The following TACC1 variants were observed in gnomAD, a reference collection of about 807,000 sequenced individuals.
TACC1 encodes transforming acidic coiled-coil containing protein 1.
Under a neutral mutation model 84.4 loss-of-function variants are expected in TACC1, and 48 were observed. The ratio of observed to expected loss-of-function variants is 0.57; its 90% CI spans 0.45 to 0.72. The LOEUF (loss-of-function observed/expected upper bound fraction) is 0.72, where lower values mean the gene tolerates loss of function less well. TACC1 is among the 30% of genes least tolerant of loss of function. TACC1 has a pLI of 0.00. For synonymous variants in TACC1, 372 were observed against 376.3 expected (o/e 0.99, Z 0.13); for missense variants, 920 against 973.0 (o/e 0.95, Z 0.72).
chr8:38,803,158 T>C (rs1821820114), intron 2 of TACC1, among the ~76,000 whole-genome samples: 1 of 152,264 alleles, frequency 6.6e-6, no homozygotes, highest in South Asian at 2.1e-4. Context: ...TGGTTTCATT[T>C]ATAGTTTTTT....
intron 6 of TACC1, among the ~76,000 whole-genome samples, chr8:38,831,553 T>C (rs563688281): frequency 6.6e-6 from 1 of 152,346 alleles, no homozygotes; most frequent in South Asian, 2.1e-4. Flanking sequence ...TGGAGTACAG[T>C]GGTGCAATCT....
At position 38,842,350 on chromosome 8, in the gene TACC1, A is replaced by G. The variant is rs762636747; in HGVS notation, c.2024A>G (p.Glu675Gly). ...TTCCAGCAACTGACCATGGAGAAGG[A>G]ACAGGCCCTGGCTGACCTTAACTCT... Reference protein sequence around the residue: ...KSFQQLTMEKEQALADLNSVE... With the variant: ...KSFQQLTMEKGQALADLNSVE... The change falls in exon 10 of 13, where the codon GAA (glutamate) becomes GGA (glycine). Residue 675 changes from glutamate (E) to glycine (G), a missense_variant. Physicochemically the swap from Glu to Gly is moderately conservative, Grantham distance 98 (BLOSUM62 -2). Coordinates refer to ENST00000317827, the MANE Select transcript of TACC1 (RefSeq NM_006283.3). 5.6e-6 allele frequency: 9 copies of G among 1,614,232 alleles called. No individual in the cohort carries two copies. In the South Asian group the frequency reaches 8.8e-5, roughly 16 times the overall value.
intron 1 of TACC1, chr8:38,742,245 A>C: frequency 2.2e-6 from 1 of 464,738 alleles, no homozygotes; most frequent in Admixed American, 3.9e-5. Context: ...GTAGAACTGC[A>C]GAGGAATTTC....
chr8:38,761,760 T>A (rs1046561686), intron 3 of TACC1, among the ~76,000 whole-genome samples: 4 of 152,244 alleles, frequency 2.6e-5, no homozygotes, highest in African/African-American at 9.6e-5. Flanking sequence ...AGAAGTTTTT[T>A]AAATGTCCAT....
intron 12 of TACC1, among the ~76,000 whole-genome samples, chr8:38,847,488 G>T (rs755566745): frequency 6.6e-6 from 1 of 152,126 alleles, no homozygotes; most frequent in Non-Finnish European, 1.5e-5. Context: ...TTTCTTTACT[G>T]CATTTCCAAT....
chr8:38,743,404 G>C lies in TACC1; in HGVS notation c.-574+953G>C, dbSNP rs554680194. The stretch of plus-strand genomic sequence containing the variant: ...ACAAGAGGAAATGTATTTGGGACAG[G>C]GGATGGATTTGCTTGATGATAATGG... On this transcript the variant is annotated intron_variant, in intron 2 of 14. Coordinates refer to the TACC1 transcript ENST00000518415. Among the ~76,000 whole-genome samples the C allele has an allele frequency of 2.0e-5, 3 of 152,288 alleles. No homozygotes were observed. The South Asian group carries it at 6.2e-4, about 32-fold the overall frequency.
chr8:38,836,825 C>T (rs1414857123), intron 7 of TACC1, among the ~76,000 whole-genome samples: 3 of 152,122 alleles, frequency 2.0e-5, no homozygotes, highest in East Asian at 3.8e-4. Context: ...AGTTGCCCAC[C>T]CTCTCCTGTC....
At chr8:38,825,394 G>A in intron 4 of TACC1, 26 bp downstream of exon 4, 1 of 1,613,746 alleles carries the variant, frequency 6.2e-7, no homozygotes, top group Non-Finnish European at 8.5e-7. Context: ...TCTCCAGAAT[G>A]TCTCTGAGAC....
chr8:38,835,056 A>AGGT (rs1261726111), intron 6 of TACC1, among the ~76,000 whole-genome samples: 2 of 152,156 alleles, frequency 1.3e-5, no homozygotes, highest in African/African-American at 4.8e-5. Context: ...GATTGAGACC[A>AGGT]TCCTGGCTAA....
intron 5 of TACC1, among the ~76,000 whole-genome samples, chr8:38,830,844 T>C (rs1470715298): frequency 1.3e-5 from 2 of 152,204 alleles, no homozygotes; most frequent in Non-Finnish European, 2.9e-5. Flanking sequence ...GACACATTTT[T>C]CCAAACTTTT....
intron 2 of TACC1, among the ~76,000 whole-genome samples, chr8:38,815,844 T>C (rs2152162751): frequency 6.6e-6 from 1 of 151,762 alleles, no homozygotes; most frequent in Non-Finnish European, 1.5e-5. Flanking sequence ...AATTAAAAAC[T>C]AAGCCGGATG....
chr8:38,783,098 CT>C (rs1816416120), upstream of TACC1, among the ~76,000 whole-genome samples: 27 of 116,412 alleles, frequency 2.3e-4, no homozygotes, highest in Admixed American at 4.1e-4. Context: ...ATCTATCTAT[CT>C]ATCTATCTAT....
chr8:38,838,675 C>T (rs1801762650), intron 8 of TACC1, 129 bp downstream of exon 8: 2 of 701,430 alleles, frequency 2.9e-6, no homozygotes, highest in Non-Finnish European at 4.9e-6. Context: ...TTGCTGTTTG[C>T]ACCTTGCTTT....
chr8:38,817,747 A>G (rs1825745948), intron 2 of TACC1, among the ~76,000 whole-genome samples: 1 of 151,936 alleles, frequency 6.6e-6, no homozygotes, highest in Non-Finnish European at 1.5e-5. Context: ...ACCCAATAAT[A>G]ATCATAGAAG....
chr8:38,791,258 A>G (rs1200155540), intron 2 of TACC1, among the ~76,000 whole-genome samples: 1 of 151,930 alleles, frequency 6.6e-6, no homozygotes, highest in Non-Finnish European at 1.5e-5. Flanking sequence ...CATTTTTTTC[A>G]TTCTCTCTAA....
intron 3 of TACC1, among the ~76,000 whole-genome samples, chr8:38,760,485 T>C (rs1811003096): frequency 6.6e-6 from 1 of 152,160 alleles, no homozygotes; most frequent in Non-Finnish European, 1.5e-5. Flanking sequence ...ATTTAACTCT[T>C]CAGTTAGGCA....
At chr8:38,800,162 T>G (rs1164118168) in intron 2 of TACC1, among the ~76,000 whole-genome samples, 1 of 152,214 alleles carries the variant, frequency 6.6e-6, no homozygotes, top group Non-Finnish European at 1.5e-5. Context: ...CTGTGTGGTA[T>G]AGTTGAACAT....
At chr8:38,737,318 T>C (rs1306510488) in intron 1 of TACC1, among the ~76,000 whole-genome samples, 1 of 152,188 alleles carries the variant, frequency 6.6e-6, no homozygotes, top group Non-Finnish European at 1.5e-5. Context: ...GCAGTGGGAA[T>C]GTACTCGATG....
upstream of TACC1, among the ~76,000 whole-genome samples, chr8:38,785,071 T>G (rs1816855218): frequency 6.7e-6 from 1 of 148,950 alleles, no homozygotes; most frequent in Non-Finnish European, 1.5e-5. Flanking sequence ...TGCTTCCCCC[T>G]GTAGACACTT....
Sources: allele counts gnomAD v4.1 joint callset (sites outside exome capture counted in the v4.1 genomes callset), GRCh38; gene constraint gnomAD v4.1.1; transcripts MANE v1.5; gene names NCBI Gene and HGNC (gene_info 2026-07-23, HGNC 2026-07-21).